The following AP1G2 variants were observed in gnomAD, a reference collection of about 807,000 sequenced individuals.
The protein encoded by AP1G2 is AP-1 complex subunit gamma-like 2.
In AP1G2, 85 loss-of-function variants were observed where a neutral mutation model predicts 95.8. The ratio of observed to expected loss-of-function variants is 0.89; its 90% CI spans 0.74 to 1.06. AP1G2 has a LOEUF of 1.06. Ranked by LOEUF, AP1G2 falls within the 50% of genes least tolerant of loss-of-function variation. AP1G2 has a pLI of 0.00. For synonymous variants in AP1G2, 378 were observed against 400.0 expected (o/e 0.94, Z 0.66); for missense variants, 967 against 1,005.8 (o/e 0.96, Z 0.52).
In AP1G2 at chr14:23,567,105, C is replaced by T. The variant is rs1888431580; in HGVS notation, c.204+6G>A. 6.2e-7 allele frequency: 1 copy of T among 1,607,956 alleles called. No homozygotes were observed. Among genetic ancestry groups the T allele is most frequent in the East Asian group, 2.2e-5 (1 of 44,760 alleles). On this transcript the variant is annotated splice_donor_region_variant and intron_variant, in intron 2 of 21. Coordinates refer to ENST00000397120, the MANE Select transcript of AP1G2 (RefSeq NM_003917.5). The surrounding 1 kb of genome is among the most constrained non-coding windows in gnomAD (Gnocchi z 5.3). ...AGCTCAGGAGGGAGGTATTCCTGGC[C>T]AGTACCTGTCCAAAGTGGGCGGGGT...
chr14:23,566,132 C>A lies in AP1G2; in HGVS notation c.500G>T (p.Arg167Leu). The A allele has an allele frequency of 1.2e-6, 2 of 1,608,142 alleles. No homozygotes were observed. The highest frequency in any genetic ancestry group is 1.1e-5 in the South Asian group (1 of 90,316). Reference protein sequence around the residue: ...KAILTAVHMIRKVPELSSVFL... With the variant: ...KAILTAVHMILKVPELSSVFL... ...GACACTGGAGAGTTCAGGGACCTTCCGGATCATGTGCACTGCAGTCAGAAT... is the reference window on the plus strand; with the variant it reads ...GACACTGGAGAGTTCAGGGACCTTCAGGATCATGTGCACTGCAGTCAGAAT... Residue 167 changes from arginine (R) to leucine (L), a missense_variant, in exon 5 of 22, where the codon CGG (arginine) becomes CTG (leucine). By Grantham distance (102) the Arg-to-Leu change is moderately radical (BLOSUM62 -2). Coordinates refer to ENST00000397120, the MANE Select transcript of AP1G2 (RefSeq NM_003917.5).
chr14:23,563,553 T>C, intron 13 of AP1G2, 31 bp downstream of exon 13: 1 of 1,614,262 alleles, frequency 6.2e-7, no homozygotes, highest in Non-Finnish European at 8.5e-7. Flanking sequence ...TGACCACTTC[T>C]GCCCAGCTCT....
In AP1G2 at chr14:23,565,251, C is replaced by T. The variant is rs146870130; in HGVS notation, c.742-52G>A. The T allele has an allele frequency of 2.5e-4, 391 of 1,571,978 alleles. 2 individuals are homozygous for T. In the East Asian group the frequency reaches 8.0e-3, roughly 32 times the overall value. Reference sequence around the variant, plus strand: ...TGGAGGGGTTCATAGGATAAGGAGTCGTGGGGCTGAGGAGAAAACTCCAAC... The same window carrying T: ...TGGAGGGGTTCATAGGATAAGGAGTTGTGGGGCTGAGGAGAAAACTCCAAC... On this transcript the variant is annotated intron_variant, in intron 7 of 21. Transcript: ENST00000397120.
rs755369637 is a variant in AP1G2 at position 23,564,564 on chromosome 14, G to T, written c.919C>A (p.Arg307=). 1.2e-6 allele frequency: 2 copies of T among 1,613,166 alleles called. No homozygotes were observed. The highest frequency in any genetic ancestry group is 1.7e-6 in the Non-Finnish European group (2 of 1,179,916). ...GGGAGAGGCATAAGGGGTGATACCC[G>T]TAGGCCAGCTGCAGAGCGGATATCC... ...IMDIRSAAGL[R]VLAVNILGRF... Residue 307 remains arginine (R), a splice_region_variant and synonymous_variant, in exon 9 of 22, where the codon CGG becomes AGG. Transcript: ENST00000397120.
At chr14:23,561,722 C>A (rs1884796993) in intron 17 of AP1G2, 87 bp from the exon 18 acceptor site, 2 of 1,552,906 alleles carry the variant, frequency 1.3e-6, no homozygotes, top group South Asian at 2.3e-5. Context: ...GAATATGGAG[C>A]CCTGGGCACA....
rs752058410 is a variant in AP1G2 at position 23,566,015 on chromosome 14, C to T, written c.568+49G>A. 5 of 1,613,774 alleles carry T rather than the reference C, an allele frequency of 3.1e-6. No homozygotes were observed. In the African/African-American group the frequency reaches 6.7e-5, roughly 22 times the overall value. On this transcript the variant is annotated intron_variant, in intron 5 of 21. Transcript: ENST00000397120. The stretch of plus-strand genomic sequence containing the variant: ...TGGGGTTCCCATCCGATTTTCAATT[C>T]TTCTGTCCATAGACCTGAAGCAAAG...
chr14:23,566,542 G>C lies in AP1G2; in HGVS notation c.329+20C>G. The C allele has an allele frequency of 6.2e-7, 1 of 1,613,408 alleles. No individual in the cohort carries two copies. On this transcript the variant is annotated intron_variant, in intron 3 of 21. Transcript: ENST00000397120. ...CTCTCCCATCTCCCTGATTCCAAGT[G>C]ATTGCCAGAACCCTCTCACTTCTTG...
chr14:23,565,899 T>A lies in AP1G2; in HGVS notation c.569-7A>T. 1 of 1,592,762 alleles carries A rather than the reference T, an allele frequency of 6.3e-7. No individual in the cohort carries two copies. Among genetic ancestry groups the A allele is most frequent in the Non-Finnish European group, 8.5e-7 (1 of 1,171,562 alleles). On this transcript the variant is annotated splice_polypyrimidine_tract_variant and splice_region_variant and intron_variant, in intron 5 of 21. Coordinates refer to ENST00000397120, the MANE Select transcript of AP1G2 (RefSeq NM_003917.5). The stretch of plus-strand genomic sequence containing the variant: ...ATGGTGCCCAGCAGGATGCCTGGGG[T>A]CAGCGTCGGGGAAGTGAATGGTGGG...
Position 23,567,181 on chromosome 14 carries a change from A to G in AP1G2, c.134T>C (p.Val45Ala), listed in dbSNP as rs766223397. The change falls in exon 2 of 22, where the codon GTG becomes GCG. Residue 45 changes from valine (V) to alanine (A), a missense_variant. Val to Ala is a moderately conservative substitution (Grantham distance 64, BLOSUM62 0). Coordinates refer to ENST00000397120, the MANE Select transcript of AP1G2 (RefSeq NM_003917.5). The surrounding 1 kb of genome is among the most constrained non-coding windows in gnomAD (Gnocchi z 5.3). ...IRASFRDGDP[V>A]HRHRQLAKLL... ...TTTGGCCAGCTGCCGGTGCCTGTGC[A>G]CTGGGTCCCCGTCGCGGAAGGAGGC... is the stretch of plus-strand genomic sequence containing the variant. 3 of 1,613,118 alleles carry G rather than the reference A, an allele frequency of 1.9e-6. No individual in the cohort carries two copies. In the East Asian group the frequency reaches 6.7e-5, roughly 36 times the overall value.
chr14:23,562,611 C>T lies in AP1G2; in HGVS notation c.1411-18G>A, dbSNP rs373948230. 3.7e-6 allele frequency: 6 copies of T among 1,610,170 alleles called. No individual in the cohort carries two copies. Among genetic ancestry groups the T allele is most frequent in the Non-Finnish European group, 4.2e-6 (5 of 1,178,270 alleles). ...AGTGGTTGCTACATGGGATAAGAAA[C>T]TGCTGGGCTGGCCAGGCATGGTGGC... On this transcript the variant is annotated intron_variant, in intron 14 of 21. Transcript: ENST00000397120.
chr14:23,561,166 T>C, intron 19 of AP1G2, 130 bp downstream of exon 19: 2 of 1,423,490 alleles, frequency 1.4e-6, no homozygotes, highest in Non-Finnish European at 1.8e-6. Flanking sequence ...TTTTACCTCC[T>C]GAGATGGCGA....
At position 23,566,967 on chromosome 14, in the gene AP1G2, T is replaced by G. The variant is rs2139405217; in HGVS notation, c.204+144A>C. On this transcript the variant is annotated intron_variant, in intron 2 of 21. Coordinates refer to ENST00000397120, the MANE Select transcript of AP1G2 (RefSeq NM_003917.5). ...AGCTGATGACCAGTAGGGGTAGCAATGGGGAAAGAGGTTTGCAGTGCAGGC... is the reference window on the plus strand; with the variant it reads ...AGCTGATGACCAGTAGGGGTAGCAAGGGGGAAAGAGGTTTGCAGTGCAGGC... 3 of 999,646 alleles carry G rather than the reference T, an allele frequency of 3.0e-6. No homozygotes were observed. In the South Asian group the frequency reaches 5.1e-5, roughly 17 times the overall value. The allele number at this position is 999,646 out of a possible 1,614,324, so 61.9% of individuals were successfully genotyped here. A position where few individuals can be genotyped will look rare whatever the true frequency, so the allele number is the denominator to read the frequency against.
chr14:23,567,435 TGC>T lies in AP1G2; in HGVS notation c.-5-118_-5-117del. ...CCGGGTCCCACAGGTACCCTAAAAT[TGC>T]GCCCGCATTTTACCTTTCCCGAAGT... On this transcript the variant is annotated intron_variant, in intron 1 of 21. Transcript: ENST00000397120. This position sits in a 1 kb window ranked among gnomAD's most constrained non-coding sequence, Gnocchi z 5.3. The T allele has an allele frequency of 7.0e-7, 1 of 1,421,640 alleles. No individual in the cohort carries two copies. The highest frequency in any genetic ancestry group is 9.1e-7 in the Non-Finnish European group (1 of 1,094,968). The allele number at this position is 1,421,640 out of a possible 1,614,324, so 88.1% of individuals were successfully genotyped here.
Position 23,561,521 on chromosome 14 carries a change from T to G in AP1G2, c.1848A>C (p.Thr616=), listed in dbSNP as rs761442540. 13 of 1,614,216 alleles carry G rather than the reference T, an allele frequency of 8.1e-6. No individual in the cohort carries two copies. The highest frequency in any genetic ancestry group is 1.1e-5 in the Non-Finnish European group (13 of 1,180,030). Residue 616 remains threonine (T), a synonymous_variant, in exon 18 of 22, where the codon ACA becomes ACC. Coordinates refer to ENST00000397120, the MANE Select transcript of AP1G2 (RefSeq NM_003917.5). ...AQLSEAAPVP[T]EPQASQLLDL... is the part of the protein sequence containing the mutation. The stretch of plus-strand genomic sequence containing the variant: ...TTTCTAGCCTTCTCACCTGGGGCTC[T>G]GTGGGCACTGGGGCTGCTTCTGAAA...
At chr14:23,563,094 CCT>C (rs1885911434) in intron 14 of AP1G2, 5 of 1,331,198 alleles carry the variant, frequency 3.8e-6, no homozygotes, top group Middle Eastern at 2.9e-4. Flanking sequence ...AATAATAAAA[CCT>C]CATAAACACA....
In AP1G2 at chr14:23,565,161, G is replaced by T. The variant is rs1212278136; in HGVS notation, c.780C>A (p.Asn260Lys). The T allele has an allele frequency of 1.9e-6, 3 of 1,614,234 alleles. No homozygotes were observed. The South Asian group carries it at 3.3e-5, about 18-fold the overall frequency. The change falls in exon 8 of 22, where the codon AAC (asparagine) becomes AAA (lysine). Residue 260 changes from asparagine (N) to lysine (K), a missense_variant. By Grantham distance (94) the Asn-to-Lys change is moderately conservative. Coordinates refer to ENST00000397120, the MANE Select transcript of AP1G2 (RefSeq NM_003917.5). ...TCATGGTCTCACTGCTCTCCTCGTG[G>T]TTCCGGCCCAGGATCCGAAGCAGAC... Reference protein sequence around the residue: ...ILRLLRILGRNHEESSETMND... With the variant: ...ILRLLRILGRKHEESSETMND...
rs144333496 is a variant in AP1G2 at position 23,565,034 on chromosome 14, G to A, written c.822+85C>T. On this transcript the variant is annotated intron_variant, in intron 8 of 21. Coordinates refer to ENST00000397120, the MANE Select transcript of AP1G2 (RefSeq NM_003917.5). ...ATGGAGAGGCAATTACACGGCCACT[G>A]CACAGTGACGAGTCATGTGAGGGGC... The A allele has an allele frequency of 5.4e-4, 689 of 1,283,936 alleles. 5 individuals carry two copies. The East Asian group carries it at 0.015, about 28-fold the overall frequency. The allele number at this position is 1,283,936 out of a possible 1,614,324, so 79.5% of individuals were successfully genotyped here. A position where few individuals can be genotyped will look rare whatever the true frequency, so the allele number is the denominator to read the frequency against.
Position 23,567,457 on chromosome 14 carries a change from C to G in AP1G2, c.-5-138G>C. The G allele has an allele frequency of 2.1e-6, 3 of 1,405,582 alleles. No individual in the cohort carries two copies. The highest frequency in any genetic ancestry group is 1.6e-5 in the South Asian group (1 of 64,182). The allele number at this position is 1,405,582 out of a possible 1,614,324, so 87.1% of individuals were successfully genotyped here. A position where few individuals can be genotyped will look rare whatever the true frequency, so the allele number is the denominator to read the frequency against. Reference sequence around the variant, plus strand: ...AATTGCGCCCGCATTTTACCTTTCCCGAAGTGGGTCTCCAAATTCCGCGCC... The same window carrying G: ...AATTGCGCCCGCATTTTACCTTTCCGGAAGTGGGTCTCCAAATTCCGCGCC... On this transcript the variant is annotated intron_variant, in intron 1 of 21. Transcript: ENST00000397120. The surrounding 1 kb of genome is among the most constrained non-coding windows in gnomAD (Gnocchi z 5.3).
In AP1G2 at chr14:23,567,192, G is replaced by C. The variant is rs752338347; in HGVS notation, c.123C>G (p.Asp41Glu). Residue 41 changes from aspartate (D) to glutamate (E), a missense_variant, in exon 2 of 22, where the codon GAC becomes GAG. Transcript: ENST00000397120. The surrounding 1 kb of genome is among the most constrained non-coding windows in gnomAD (Gnocchi z 5.3). ...GCCGGTGCCTGTGCACTGGGTCCCCGTCGCGGAAGGAGGCCCGGATGTGGG... is the reference window on the plus strand; with the variant it reads ...GCCGGTGCCTGTGCACTGGGTCCCCCTCGCGGAAGGAGGCCCGGATGTGGG... ...ECAHIRASFR[D>E]GDPVHRHRQL... The C allele has an allele frequency of 1.2e-6, 2 of 1,612,778 alleles. No individual in the cohort carries two copies. The highest frequency in any genetic ancestry group is 2.7e-5 in the African/African-American group (2 of 74,896).
Sources: allele counts gnomAD v4.1 joint callset, GRCh38; gene constraint gnomAD v4.1.1; non-coding constraint Gnocchi (gnomAD v3.1); transcripts MANE v1.5; gene names NCBI Gene and HGNC (gene_info 2026-07-23, HGNC 2026-07-21).